FAM131B: variants seen among roughly 807,000 people sequenced by gnomAD.
The protein encoded by FAM131B is family with sequence similarity 131 member B, also known as protein FAM131B.
A neutral mutation model predicts 42.0 loss-of-function variants in FAM131B; 19 were observed. The observed-to-expected ratio is 0.45, with a 90% CI of 0.32 to 0.66. FAM131B has a LOEUF of 0.66. Among genes scored for constraint, FAM131B ranks in the 30% least tolerant of loss-of-function variants. FAM131B has a pLI of 0.05. For synonymous variants in FAM131B, 183 were observed against 177.6 expected (o/e 1.03, Z -0.24); for missense variants, 370 against 468.4 (o/e 0.79, Z 1.94).
the FAM131B span, among the ~76,000 whole-genome samples, chr7:143,373,898 T>C: frequency 1.8e-4 from 28 of 152,200 alleles, no homozygotes; most frequent in East Asian, 5.4e-3. Flanking sequence ...GGAGTAAGCA[T>C]CCTTTCTTTA....
At chr7:143,380,812 C>T in the FAM131B span, 1 of 978,252 alleles carries the variant, frequency 1.0e-6, no homozygotes, top group Non-Finnish European at 1.2e-6. This position sits in a 1 kb window ranked among gnomAD's most constrained non-coding sequence, Gnocchi z 5.0. Flanking sequence ...CAGCTCCATA[C>T]GTTCGGCCAC....
At chr7:143,370,295 G>A in the FAM131B span, among the ~76,000 whole-genome samples, 1 of 152,084 alleles carries the variant, frequency 6.6e-6, no homozygotes, top group Non-Finnish European at 1.5e-5. Flanking sequence ...TTACTTCTCT[G>A]CACTCCTCAA....
At chr7:143,363,923 C>T (rs1045500266), upstream of FAM131B, 1 of 152,114 alleles carries the variant, frequency 6.6e-6, no homozygotes, top group African/African-American at 2.4e-5. Flanking sequence ...GAGCTACATC[C>T]CATGGGGTGG....
At chr7:143,357,045 C>A in intron 6 of FAM131B, 23 bp from the exon 7 acceptor site, 1 of 1,536,458 alleles carries the variant, frequency 6.5e-7, no homozygotes, top group South Asian at 1.1e-5. Context: ...TCATGGAGGT[C>A]AGTGGGGCCA....
chr7:143,381,264 C>T, the FAM131B span: 57 of 1,048,352 alleles, frequency 5.4e-5, no homozygotes, highest in African/African-American at 9.1e-4. Context: ...GCGCCGCTCT[C>T]TCCCCGCCCC....
Position 143,359,909 on chromosome 7 carries a change from G to A in FAM131B, c.138+131C>T. The A allele has an allele frequency of 2.0e-6, 2 of 997,552 alleles. No individual in the cohort carries two copies. The highest frequency in any genetic ancestry group is 3.1e-6 in the Non-Finnish European group (2 of 647,030). 61.8% of individuals were successfully genotyped at this position (997,552 alleles called of 1,614,324 possible). A position where few individuals can be genotyped will look rare whatever the true frequency, so the allele number is the denominator to read the frequency against. The stretch of plus-strand genomic sequence containing the variant: ...TGATGCCGCTAACTGGGTTCTCCAT[G>A]TGGACTGCTTGGCATGTGTTGTGAG... On this transcript the variant is annotated intron_variant, in intron 2 of 6. Transcript: ENST00000443739. This position sits in a 1 kb window ranked among gnomAD's most constrained non-coding sequence, Gnocchi z 5.4.
At chr7:143,360,312 C>T (rs1803898749) in intron 1 of FAM131B, 163 bp from the exon 2 acceptor site, 3 of 1,443,040 alleles carry the variant, frequency 2.1e-6, no homozygotes, top group Non-Finnish European at 2.7e-6. Flanking sequence ...AATGCTGAGC[C>T]CAAATATTCA....
the FAM131B span, among the ~76,000 whole-genome samples, chr7:143,369,144 C>T: frequency 6.6e-6 from 1 of 152,212 alleles, no homozygotes; most frequent in Admixed American, 6.5e-5. Context: ...CAGATTTTTA[C>T]AGTCACACAC....
At chr7:143,367,613 G>A (rs751410307), upstream of FAM131B, among the ~76,000 whole-genome samples, 5 of 152,180 alleles carry the variant, frequency 3.3e-5, no homozygotes, top group Admixed American at 6.5e-5. Context: ...GCTGAGGCAG[G>A]AGAATCGCTT....
In FAM131B at chr7:143,358,915, C is replaced by T. The variant is rs771206908; in HGVS notation, c.378G>A (p.Gln126=). The T allele has an allele frequency of 6.2e-7, 1 of 1,614,074 alleles. No homozygotes were observed. ...GCACGGACTCATGGCTGTGTTGTGG[C>T]TGAACAGCTGGTGTCTTCCCCCAGC... is the stretch of plus-strand genomic sequence containing the variant. The part of the protein sequence containing the change: ...WQGWGKTPAV[Q]PQHSHESVRR... The change falls in exon 5 of 7, where the codon CAG becomes CAA. Residue 126 remains glutamine, a synonymous_variant. Coordinates refer to ENST00000443739, the MANE Select transcript of FAM131B (RefSeq NM_001031690.3). This position sits in a 1 kb window ranked among gnomAD's most constrained non-coding sequence, Gnocchi z 4.7.
the FAM131B span, among the ~76,000 whole-genome samples, chr7:143,377,635 A>C: frequency 6.6e-6 from 1 of 152,308 alleles, no homozygotes; most frequent in East Asian, 1.9e-4. Flanking sequence ...TAACTAAAAA[A>C]TGGGATAATG....
the FAM131B span, among the ~76,000 whole-genome samples, chr7:143,368,842 G>A: frequency 7.2e-5 from 11 of 152,290 alleles, no homozygotes; most frequent in African/African-American, 2.4e-4. Context: ...ACGGAGATCT[G>A]TTTCACCTAC....
rs112957177 is a variant in FAM131B at position 143,353,867 on chromosome 7, A to AC, written c.*2682dup. 0.21 allele frequency: 31,404 copies of AC among 150,450 alleles called. 3,535 individuals are homozygous for AC. Among genetic ancestry groups the AC allele is most frequent in the East Asian group, 0.31 (1,565 of 5,042 alleles). 9.3% of individuals were successfully genotyped at this position (150,450 alleles called of 1,614,324 possible). A position where few individuals can be genotyped will look rare whatever the true frequency, so the allele number is the denominator to read the frequency against. Reference sequence around the variant, plus strand: ...TAAAGTCAATTGAAAATGAAAGTGCACCCCCCCTCCAAAAAAAGAAAATCA... The same window carrying AC: ...TAAAGTCAATTGAAAATGAAAGTGCACCCCCCCCTCCAAAAAAAGAAAATCA... On this transcript the variant is annotated 3_prime_UTR_variant, in exon 7 of 7. Coordinates refer to ENST00000443739, the MANE Select transcript of FAM131B (RefSeq NM_001031690.3).
chr7:143,362,763 C>T (rs937551091), upstream of FAM131B: 1 of 254,978 alleles, frequency 3.9e-6, no homozygotes. The surrounding 1 kb of genome is among the most constrained non-coding windows in gnomAD (Gnocchi z 7.7). Context: ...ACGGCAGCTC[C>T]GTCGCCGCCG....
the FAM131B span, chr7:143,380,726 GCA>G: frequency 2.0e-6 from 2 of 985,474 alleles, no homozygotes; most frequent in South Asian, 4.7e-5. This position sits in a 1 kb window ranked among gnomAD's most constrained non-coding sequence, Gnocchi z 5.0. Flanking sequence ...CCCCCTCCGG[GCA>G]CAGAGTCAGC....
the FAM131B span, among the ~76,000 whole-genome samples, chr7:143,376,980 TA>T: frequency 1.3e-5 from 2 of 152,234 alleles, no homozygotes; most frequent in Non-Finnish European, 2.9e-5. Flanking sequence ...TTTATTTGTT[TA>T]TTTTTTTGAC....
chr7:143,359,136 G>A lies in FAM131B; in HGVS notation c.269-112C>T, dbSNP rs1803826438. On this transcript the variant is annotated intron_variant, in intron 4 of 6. Coordinates refer to ENST00000443739, the MANE Select transcript of FAM131B (RefSeq NM_001031690.3). This position sits in a 1 kb window ranked among gnomAD's most constrained non-coding sequence, Gnocchi z 5.4. ...ATGAGGCTCCATCCCACTGGGCCAG[G>A]CTCCCCTAAGGACTCCATAGATGGG... is the stretch of plus-strand genomic sequence containing the variant. 8 of 1,190,706 alleles carry A rather than the reference G, an allele frequency of 6.7e-6. No individual in the cohort carries two copies. Among genetic ancestry groups the A allele is most frequent in the Admixed American group, 2.0e-5 (1 of 49,316 alleles). The allele number at this position is 1,190,706 out of a possible 1,614,324, so 73.8% of individuals were successfully genotyped here.
At chr7:143,369,619 G>C in the FAM131B span, among the ~76,000 whole-genome samples, 1 of 149,486 alleles carries the variant, frequency 6.7e-6, no homozygotes, top group Non-Finnish European at 1.5e-5. Flanking sequence ...AGGTTGCAGT[G>C]AGCTGAGATC....
the FAM131B span, among the ~76,000 whole-genome samples, chr7:143,369,843 G>A: frequency 1.3e-5 from 2 of 152,136 alleles, no homozygotes; most frequent in Non-Finnish European, 2.9e-5. Context: ...CCACCGTTTG[G>A]TTAAGGTTTT....
Sources: gnomAD v4.1 joint callset for allele counts (sites outside exome capture counted in the v4.1 genomes callset) on GRCh38, gnomAD v4.1.1 for gene constraint, Gnocchi (gnomAD v3.1) non-coding constraint, MANE v1.5 for transcripts, NCBI Gene and HGNC (gene_info 2026-07-23, HGNC 2026-07-21) for gene names.